The following CACNA1C variants were observed in gnomAD, a reference collection of about 807,000 sequenced individuals.
CACNA1C encodes calcium voltage-gated channel subunit alpha1 C.
A neutral mutation model predicts 229.0 loss-of-function variants in CACNA1C; 30 were observed. That is an observed-to-expected ratio of 0.13 (90% CI 0.10 to 0.18). The LOEUF (loss-of-function observed/expected upper bound fraction) is 0.18. Ranked by LOEUF, CACNA1C falls within the 10% of genes least tolerant of loss-of-function variation. The pLI is 1.00. For synonymous variants in CACNA1C, 1,114 were observed against 1,132.5 expected, an observed-to-expected ratio of 0.98 and a Z score of 0.33; for missense variants, 1,658 against 2,845.0, an observed-to-expected ratio of 0.58 and a Z score of 9.49.
upstream of CACNA1C, chr12:1,970,787 C>A: frequency 5.0e-6 from 1 of 200,488 alleles, no homozygotes. Flanking sequence ...CCCATCCCTA[C>A]ATAGGCAGGG....
intron 1 of CACNA1C, among the ~76,000 whole-genome samples, chr12:1,995,519 G>T (rs2040585448): frequency 1.3e-5 from 2 of 152,256 alleles, no homozygotes; most frequent in South Asian, 4.1e-4. Context: ...GCTCTTCTGA[G>T]ACTGTGAAGA....
At chr12:2,446,227 ATGGATGGG>A (rs1280062203) in intron 3 of CACNA1C, among the ~76,000 whole-genome samples, 1 of 140,790 alleles carries the variant, frequency 7.1e-6, no homozygotes, top group Non-Finnish European at 1.6e-5. Flanking sequence ...GGATGGATGG[ATGGATGGG>A]TAGGTGGGTG....
At chr12:2,373,979 T>C (rs1470501355) in intron 3 of CACNA1C, among the ~76,000 whole-genome samples, 1 of 152,198 alleles carries the variant, frequency 6.6e-6, no homozygotes, top group Admixed American at 6.5e-5. Flanking sequence ...TACAGATCAC[T>C]GGGTCCAGTC....
At chr12:2,393,267 C>A (rs2098518315) in intron 3 of CACNA1C, among the ~76,000 whole-genome samples, 1 of 152,148 alleles carries the variant, frequency 6.6e-6, no homozygotes, top group African/African-American at 2.4e-5. Flanking sequence ...GCTGAGGAGG[C>A]CTCTAACTGA....
chr12:2,427,564 T>C (rs147478858), intron 3 of CACNA1C, among the ~76,000 whole-genome samples: 1,614 of 152,240 alleles, frequency 0.011, 16 homozygotes, highest in Non-Finnish European at 0.017. Context: ...AGAGGTGGGA[T>C]CTCAGCTGGG....
At chr12:2,428,921 T>A (rs10735008) in intron 3 of CACNA1C, among the ~76,000 whole-genome samples, 121,203 of 152,082 alleles carry the variant, frequency 0.8, 48,322 homozygotes, top group Admixed American at 0.82. Flanking sequence ...TTACTTAAGG[T>A]TGCTGTCACA....
At chr12:2,422,282 T>C (rs2098986957) in intron 3 of CACNA1C, among the ~76,000 whole-genome samples, 2 of 152,136 alleles carry the variant, frequency 1.3e-5, no homozygotes, top group Admixed American at 6.5e-5. Context: ...GGCTTTTGGC[T>C]AGGAAGATAG....
chr12:2,670,857 A>G (rs1603441174), intron 38 of CACNA1C, among the ~76,000 whole-genome samples: 1 of 151,926 alleles, frequency 6.6e-6, no homozygotes, highest in East Asian at 1.9e-4. Flanking sequence ...CCATCTGAAA[A>G]AATAAAATAA....
chr12:2,240,618 G>A (rs1362001842), intron 3 of CACNA1C, among the ~76,000 whole-genome samples: 3 of 152,202 alleles, frequency 2.0e-5, no homozygotes, highest in Admixed American at 6.5e-5. Flanking sequence ...CAGCGTCAGC[G>A]TTGGGCACAC....
chr12:2,324,708 A>G (rs983366079), intron 3 of CACNA1C, among the ~76,000 whole-genome samples: 2 of 152,066 alleles, frequency 1.3e-5, no homozygotes, highest in Non-Finnish European at 2.9e-5. Context: ...TATGCAAAGG[A>G]AATAAACAGG....
In CACNA1C at chr12:2,691,376, C is replaced by G. The variant is rs2153893214; in HGVS notation, c.*177C>G. 3.2e-6 allele frequency: 2 copies of G among 623,664 alleles called. No individual in the cohort carries two copies. Among genetic ancestry groups the G allele is most frequent in the East Asian group, 6.8e-5 (2 of 29,434 alleles). 38.6% of individuals were successfully genotyped at this position (623,664 alleles called of 1,614,324 possible). A position where few individuals can be genotyped will look rare whatever the true frequency, so the allele number is the denominator to read the frequency against. On this transcript the variant is annotated 3_prime_UTR_variant, in exon 47 of 47. Coordinates refer to ENST00000399655, the MANE Select transcript of CACNA1C (RefSeq NM_000719.7). ...CGAGCCGCCCTCCGGGAGGAAGGCG[C>G]CCGGCTGCGTCTGCAGAGGCGGGGA... is the stretch of plus-strand genomic sequence containing the variant.
At position 2,274,301 on chromosome 12, in the gene CACNA1C, T is replaced by C. The variant is rs780919794; in HGVS notation, c.477+153871T>C. On this transcript the variant is annotated intron_variant, in intron 3 of 46. Coordinates refer to ENST00000399655, the MANE Select transcript of CACNA1C (RefSeq NM_000719.7). Reference sequence around the variant, plus strand: ...GTGTTCATTTCACTCACTGCCTGCTTCCTTCGTTCAGCTCCAAGTACCTGC... The same window carrying C: ...GTGTTCATTTCACTCACTGCCTGCTCCCTTCGTTCAGCTCCAAGTACCTGC... Among the ~76,000 whole-genome samples the C allele has an allele frequency of 2.8e-4, 42 of 152,214 alleles. 1 individual carries two copies. Among genetic ancestry groups the C allele is most frequent in the Non-Finnish European group, 4.9e-4 (33 of 68,026 alleles).
In CACNA1C at chr12:2,486,447, T is replaced by G. The variant is rs2099697842; in HGVS notation, c.916+185T>G. 6.6e-6 allele frequency among the ~76,000 whole-genome samples: 1 copy of G among 152,230 alleles called. No homozygotes were observed. The highest frequency in any genetic ancestry group is 2.4e-5 in the African/African-American group (1 of 41,458). ...ATCCTTTTTTTCTCAGTTCCAATTTTTGTTTTAATCTCTGTTAAACCGGCC... is the reference window on the plus strand; with the variant it reads ...ATCCTTTTTTTCTCAGTTCCAATTTGTGTTTTAATCTCTGTTAAACCGGCC... On this transcript the variant is annotated intron_variant, in intron 6 of 46. Transcript: ENST00000399655. This position sits in a 1 kb window ranked among gnomAD's most constrained non-coding sequence, Gnocchi z 4.9.
At chr12:2,003,051 G>A (rs1209966449) in intron 1 of CACNA1C, among the ~76,000 whole-genome samples, 1 of 152,154 alleles carries the variant, frequency 6.6e-6, no homozygotes, top group Non-Finnish European at 1.5e-5. Context: ...TTTTGTGTTT[G>A]GCTACTAGGA....
chr12:2,207,862 C>CTAGAAAAT (rs2097796259), intron 3 of CACNA1C, among the ~76,000 whole-genome samples: 1 of 151,868 alleles, frequency 6.6e-6, no homozygotes, highest in Non-Finnish European at 1.5e-5. Flanking sequence ...AATTGGCTAG[C>CTAGAAAAT]GTTTCCCACA....
At chr12:2,434,734 G>A (rs150147450) in intron 3 of CACNA1C, among the ~76,000 whole-genome samples, 2,430 of 152,216 alleles carry the variant, frequency 0.016, 30 homozygotes, top group Non-Finnish European at 0.023. Context: ...TCTTCCAGCC[G>A]TTCTGAATGA....
At chr12:2,618,279 C>T (rs962870776) in intron 29 of CACNA1C, among the ~76,000 whole-genome samples, 4 of 152,230 alleles carry the variant, frequency 2.6e-5, no homozygotes, top group African/African-American at 4.8e-5. Context: ...ACCACCTTTA[C>T]GAACTGTGGG....
intron 2 of CACNA1C, among the ~76,000 whole-genome samples, chr12:2,117,042 G>A (rs916558877): frequency 1.3e-5 from 2 of 152,230 alleles, no homozygotes; most frequent in African/African-American, 2.4e-5. Context: ...GCCAAGGCAG[G>A]TGGATCACCT....
rs1195299093 is a variant in CACNA1C at position 2,162,222 on chromosome 12, T to G, written c.477+41792T>G. On this transcript the variant is annotated intron_variant, in intron 3 of 46. Transcript: ENST00000399655. ...TCCAAATGGCAAAGAGGTTGTCCCTTTCTTAATGAGCTCCACAAGCACCTG... is the reference window on the plus strand; with the variant it reads ...TCCAAATGGCAAAGAGGTTGTCCCTGTCTTAATGAGCTCCACAAGCACCTG... Among the ~76,000 whole-genome samples, 4 of 152,104 alleles carry G rather than the reference T, an allele frequency of 2.6e-5. No homozygotes were observed. The East Asian group carries it at 7.8e-4, about 30-fold the overall frequency.
Sources: gnomAD v4.1 joint callset for allele counts (sites outside exome capture counted in the v4.1 genomes callset) on GRCh38, gnomAD v4.1.1 for gene constraint, Gnocchi (gnomAD v3.1) non-coding constraint, MANE v1.5 for transcripts, NCBI Gene and HGNC (gene_info 2026-07-23, HGNC 2026-07-21) for gene names.